The following NEBL variants were observed in gnomAD, a reference collection of about 807,000 sequenced individuals.
NEBL encodes the protein nebulette.
Under a neutral mutation model 140.2 loss-of-function variants are expected in NEBL, and 122 were observed. The observed-to-expected ratio is 0.87, with a 90% CI of 0.75 to 1.01. The LOEUF is 1.01. NEBL is among the 50% of genes least tolerant of loss of function. The pLI is 0.00. For missense variants in NEBL, 1,365 were observed against 1,231.3 expected (o/e 1.11, Z -1.62); for synonymous variants, 436 against 398.9 (o/e 1.09, Z -1.11).
intron 2 of NEBL, among the ~76,000 whole-genome samples, chr10:21,102,162 AG>A (rs1315859260): frequency 6.6e-6 from 1 of 152,238 alleles, no homozygotes; most frequent in East Asian, 1.9e-4. Context: ...ACTGTTAATA[AG>A]CTACTTAAAT....
intron 4 of NEBL, among the ~76,000 whole-genome samples, chr10:20,908,839 G>A (rs1285003244): frequency 6.6e-6 from 1 of 151,976 alleles, no homozygotes; most frequent in South Asian, 2.1e-4. Flanking sequence ...TTTTTAAATG[G>A]GCATTTCAAG....
At chr10:21,143,448 CAAAAAAAAAAA>C (rs72021692) in intron 2 of NEBL, among the ~76,000 whole-genome samples, 1 of 66,474 alleles carries the variant, frequency 1.5e-5, no homozygotes, top group Non-Finnish European at 2.9e-5. Flanking sequence ...AACTTCATCT[CAAAAAAAAAAA>C]AAAAAAAAAA....
In NEBL at chr10:21,029,872, T is replaced by C. The variant is rs1833704469; in HGVS notation, c.165-9671A>G. 4 of 667,292 alleles carry C rather than the reference T, an allele frequency of 6.0e-6. No homozygotes were observed. In the Admixed American group the frequency reaches 6.7e-5, roughly 11 times the overall value. 41.3% of individuals were successfully genotyped at this position (667,292 alleles called of 1,614,324 possible). On this transcript the variant is annotated intron_variant, in intron 2 of 6. Coordinates refer to the NEBL transcript ENST00000417816. The stretch of plus-strand genomic sequence containing the variant: ...GCAGTGGGTACCCAGGGACAATGAC[T>C]ACAGAGGAGGCAGGGACCGCTATGA...
rs561242377 is a variant in NEBL at position 21,254,738 on chromosome 10, G to C, written n.183-2910C>G. ...GACAGAAGTATCTGAAATAGGTGAA[G>C]AGGAAGATTTGGGACCACCCAGGAG... On this transcript the variant is annotated intron_variant and non_coding_transcript_variant, in intron 1 of 8. Coordinates refer to the NEBL transcript ENST00000675702. Among the ~76,000 whole-genome samples the C allele has an allele frequency of 1.1e-3, 171 of 152,350 alleles. 3 individuals carry two copies. The highest frequency in any genetic ancestry group is 3.8e-3 in the African/African-American group (159 of 41,582).
At chr10:21,217,078 G>C (rs905315919) in intron 3 of NEBL, among the ~76,000 whole-genome samples, 2 of 152,162 alleles carry the variant, frequency 1.3e-5, no homozygotes, top group African/African-American at 4.8e-5. Context: ...GCACTGAGGG[G>C]ACCTGATGTG....
intron 3 of NEBL, among the ~76,000 whole-genome samples, chr10:20,980,983 CCTCA>C (rs1220556001): frequency 6.6e-6 from 1 of 152,070 alleles, no homozygotes; most frequent in Non-Finnish European, 1.5e-5. Context: ...AGAGATGGGG[CCTCA>C]CTATGTTGCC....
chr10:21,010,265 G>A (rs1838284880), intron 3 of NEBL, among the ~76,000 whole-genome samples: 2 of 152,072 alleles, frequency 1.3e-5, no homozygotes, highest in Admixed American at 6.6e-5. Flanking sequence ...TTTGTTTTGA[G>A]ACAAGGTATA....
intron 3 of NEBL, among the ~76,000 whole-genome samples, chr10:21,188,323 C>T (rs1271964538): frequency 1.3e-5 from 2 of 151,942 alleles, no homozygotes; most frequent in Admixed American, 6.6e-5. Context: ...TGTTCTAGTT[C>T]CCCGTGACCA....
At chr10:21,134,090 G>T (rs1454468711) in intron 2 of NEBL, among the ~76,000 whole-genome samples, 1 of 152,076 alleles carries the variant, frequency 6.6e-6, no homozygotes, top group African/African-American at 2.4e-5. Flanking sequence ...GCCAAGCATG[G>T]TGTCACGTGC....
chr10:21,009,268 G>A (rs1259749571), intron 3 of NEBL, among the ~76,000 whole-genome samples: 6 of 152,052 alleles, frequency 3.9e-5, no homozygotes, highest in East Asian at 1.9e-4. Context: ...TAAGTAAATC[G>A]CTTGGAATTG....
intron 3 of NEBL, among the ~76,000 whole-genome samples, chr10:21,199,407 A>G (rs1649825750): frequency 6.6e-6 from 1 of 152,186 alleles, no homozygotes; most frequent in Non-Finnish European, 1.5e-5. Context: ...GTCCTATCAC[A>G]AACCTCTTGA....
intron 3 of NEBL, chr10:21,218,401 C>T (rs1415538573): frequency 6.6e-6 from 1 of 152,176 alleles, no homozygotes; most frequent in Non-Finnish European, 1.5e-5. Context: ...TGTCAGATTA[C>T]AAAAGTTACA....
chr10:20,846,105 C>T (rs1841913282), intron 11 of NEBL, among the ~76,000 whole-genome samples: 1 of 152,082 alleles, frequency 6.6e-6, no homozygotes, highest in African/African-American at 2.4e-5. Context: ...CACTCTTTGG[C>T]TATGACTCTC....
intron 4 of NEBL, among the ~76,000 whole-genome samples, chr10:20,935,551 A>C (rs1834437425): frequency 6.6e-6 from 1 of 152,200 alleles, no homozygotes; most frequent in Non-Finnish European, 1.5e-5. Context: ...CCTCCTTTGC[A>C]AGGATACTGT....
intron 3 of NEBL, among the ~76,000 whole-genome samples, chr10:20,983,062 G>T (rs1454158595): frequency 6.6e-6 from 1 of 152,232 alleles, no homozygotes; most frequent in Non-Finnish European, 1.5e-5. Context: ...GGGAACCGAA[G>T]AGGGGAGTAT....
intron 3 of NEBL, among the ~76,000 whole-genome samples, chr10:21,238,716 TAAAA>T (rs35732687): frequency 0.07 from 6,627 of 94,520 alleles, 185 homozygotes; most frequent in South Asian, 0.17. Context: ...TCAAAAAAAT[TAAAA>T]AAAAAAAAAA....
intron 2 of NEBL, among the ~76,000 whole-genome samples, chr10:21,120,424 A>ATATATATATATATATATATAT (rs58547343): frequency 3.0e-5 from 4 of 133,504 alleles, no homozygotes; most frequent in South Asian, 2.4e-4. Flanking sequence ...ATATATATAT[A>ATATATATATATATATATATAT]AATTTGATCA....
intron 3 of NEBL, among the ~76,000 whole-genome samples, chr10:20,992,604 C>G (rs1001274413): frequency 4.6e-5 from 7 of 151,978 alleles, no homozygotes; most frequent in African/African-American, 1.7e-4. Context: ...GGTCACTATG[C>G]ACTTTGAGAG....
intron 3 of NEBL, among the ~76,000 whole-genome samples, chr10:21,017,862 TGCCCAG>T (rs1418802928): frequency 6.6e-6 from 1 of 151,942 alleles, no homozygotes; most frequent in Non-Finnish European, 1.5e-5. Context: ...CTTGCTCTGT[TGCCCAG>T]GCTAGAGTAC....
Sources: gnomAD v4.1 joint callset for allele counts (sites outside exome capture counted in the v4.1 genomes callset) on GRCh38, gnomAD v4.1.1 for gene constraint, MANE v1.5 for transcripts, NCBI Gene and HGNC (gene_info 2026-07-23, HGNC 2026-07-21) for gene names.